Variants in MVB12B observed in about 807,000 individuals in gnomAD.
MVB12B encodes the protein multivesicular body subunit 12B.
A neutral mutation model predicts 41.6 loss-of-function variants in MVB12B; 16 were observed. The observed-to-expected ratio is 0.38, with a 90% CI of 0.26 to 0.58. The LOEUF is 0.58. MVB12B is among the 20% of genes least tolerant of loss of function. The pLI is 0.62. For missense variants in MVB12B, 274 were observed against 380.2 expected, an observed-to-expected ratio of 0.72 and a Z score of 2.32; for synonymous variants, 133 against 139.7, an observed-to-expected ratio of 0.95 and a Z score of 0.34.
intron 7 of MVB12B, among the ~76,000 whole-genome samples, chr9:126,456,979 T>C (rs10819160): frequency 0.25 from 37,863 of 152,158 alleles, 5,660 homozygotes; most frequent in African/African-American, 0.41. Context: ...CGTCTGCTCA[T>C]GCCCTCACCC....
intron 2 of MVB12B, among the ~76,000 whole-genome samples, chr9:126,350,611 A>T (rs1351814469): frequency 1.3e-5 from 2 of 152,190 alleles, no homozygotes; most frequent in African/African-American, 4.8e-5. Flanking sequence ...CATGGCGAGG[A>T]GACTCAGAGT....
intron 7 of MVB12B, among the ~76,000 whole-genome samples, chr9:126,467,757 C>A (rs915372162): frequency 6.6e-6 from 1 of 152,310 alleles, no homozygotes; most frequent in Non-Finnish European, 1.5e-5. Flanking sequence ...CTGCTGTGTT[C>A]CCATGATTCT....
chr9:126,403,191 C>T (rs1272629710), intron 6 of MVB12B, among the ~76,000 whole-genome samples: 3 of 152,240 alleles, frequency 2.0e-5, no homozygotes, highest in East Asian at 1.9e-4. Context: ...TCACTGGCTT[C>T]CTGTTATCCG....
At chr9:126,343,098 T>A (rs550841374) in intron 2 of MVB12B, among the ~76,000 whole-genome samples, 1 of 152,230 alleles carries the variant, frequency 6.6e-6, no homozygotes, top group Non-Finnish European at 1.5e-5. Context: ...AGGTGCCAAA[T>A]GTTCATTTAT....
chr9:126,399,052 C>T (rs577175749), intron 6 of MVB12B, among the ~76,000 whole-genome samples: 43 of 152,258 alleles, frequency 2.8e-4, no homozygotes, highest in Non-Finnish European at 5.3e-4. Flanking sequence ...GCAGAAGCTC[C>T]GTTATTGCAG....
In MVB12B at chr9:126,473,079, TCCC is replaced by T. The variant is rs1288441210; in HGVS notation, c.758-8289_758-8287del. On this transcript the variant is annotated intron_variant, in intron 7 of 9. Coordinates refer to ENST00000361171, the MANE Select transcript of MVB12B (RefSeq NM_033446.3). This position sits in a 1 kb window ranked among gnomAD's most constrained non-coding sequence, Gnocchi z 4.0. ...GAAGCCAGGGTTAGGTGACCAGCCC[TCCC>T]TACGTGGTGGGTGCTTTATCTCTGT... is the stretch of plus-strand genomic sequence containing the variant. 1.3e-4 allele frequency among the ~76,000 whole-genome samples: 20 copies of T among 152,308 alleles called. No individual in the cohort carries two copies. The highest frequency in any genetic ancestry group is 4.6e-4 in the African/African-American group (19 of 41,564).
intron 6 of MVB12B, among the ~76,000 whole-genome samples, chr9:126,418,504 C>G (rs1831893141): frequency 6.6e-6 from 1 of 152,164 alleles, no homozygotes; most frequent in Admixed American, 6.5e-5. Context: ...ATGATCATTT[C>G]CTGCTACCAT....
intron 9 of MVB12B, among the ~76,000 whole-genome samples, chr9:126,487,505 A>G (rs1353487496): frequency 6.6e-6 from 1 of 152,214 alleles, no homozygotes; most frequent in East Asian, 1.9e-4. Context: ...TACGCCTGTA[A>G]TCCCAGCACT....
intron 6 of MVB12B, among the ~76,000 whole-genome samples, chr9:126,405,328 T>C (rs930189861): frequency 6.6e-6 from 1 of 152,124 alleles, no homozygotes; most frequent in Non-Finnish European, 1.5e-5. Context: ...GCACGAGGGC[T>C]CTTTGTGCAG....
At position 126,481,434 on chromosome 9, in the gene MVB12B, A is replaced by AT; in HGVS notation, c.813+11dup. On this transcript the variant is annotated intron_variant, in intron 8 of 9. Coordinates refer to ENST00000361171, the MANE Select transcript of MVB12B (RefSeq NM_033446.3). ...TTGTGTTCCAGAAAGTGTAAGTTTT[A>AT]TGCATGATCGCCCTTCCCCTCTGCC... The AT allele has an allele frequency of 6.2e-7, 1 of 1,609,568 alleles. No homozygotes were observed. The highest frequency in any genetic ancestry group is 8.5e-7 in the Non-Finnish European group (1 of 1,176,026).
intron 2 of MVB12B, among the ~76,000 whole-genome samples, chr9:126,360,703 GA>G (rs1830007240): frequency 6.6e-6 from 1 of 152,192 alleles, no homozygotes; most frequent in African/African-American, 2.4e-5. Flanking sequence ...AATTGTGGAT[GA>G]GTCTATTTTT....
chr9:126,428,590 A>G (rs760590657), intron 7 of MVB12B, among the ~76,000 whole-genome samples: 1 of 152,194 alleles, frequency 6.6e-6, no homozygotes, highest in East Asian at 1.9e-4. Context: ...ATGAAGGGTA[A>G]AAGACTCAAA....
chr9:126,384,134 T>C (rs1272779614), intron 3 of MVB12B, among the ~76,000 whole-genome samples: 5 of 152,164 alleles, frequency 3.3e-5, no homozygotes, highest in Non-Finnish European at 7.3e-5. Context: ...CAGGCGACTC[T>C]GAAAGCAGCT....
intron 7 of MVB12B, among the ~76,000 whole-genome samples, chr9:126,476,517 T>C (rs1277396220): frequency 6.6e-6 from 1 of 152,212 alleles, no homozygotes; most frequent in African/African-American, 2.4e-5. Flanking sequence ...GGTGTGTGTA[T>C]GCATATGCAT....
intron 3 of MVB12B, among the ~76,000 whole-genome samples, chr9:126,383,752 C>G (rs1830696712): frequency 6.6e-6 from 1 of 151,852 alleles, no homozygotes; most frequent in South Asian, 2.1e-4. Context: ...CTGTATTAAA[C>G]CCAGTACAGT....
At chr9:126,415,112 G>A (rs983396519) in intron 6 of MVB12B, among the ~76,000 whole-genome samples, 1 of 152,248 alleles carries the variant, frequency 6.6e-6, no homozygotes, top group East Asian at 1.9e-4. Context: ...AGAGGTGAGT[G>A]TCCAATGCCA....
At chr9:126,363,574 G>A (rs1830084441) in intron 2 of MVB12B, among the ~76,000 whole-genome samples, 1 of 152,172 alleles carries the variant, frequency 6.6e-6, no homozygotes, top group South Asian at 2.1e-4. Context: ...AAAAGATGAG[G>A]TTACTCACCT....
At chr9:126,335,351 G>T (rs1476010347) in intron 1 of MVB12B, 1 of 1,304,186 alleles carries the variant, frequency 7.7e-7, no homozygotes, top group East Asian at 5.5e-5. Flanking sequence ...AAAGCCAGCT[G>T]CCCATTTAAC....
At chr9:126,493,339 A>G (rs1163872149) in intron 9 of MVB12B, among the ~76,000 whole-genome samples, 1 of 152,184 alleles carries the variant, frequency 6.6e-6, no homozygotes, top group Non-Finnish European at 1.5e-5. Flanking sequence ...CTTAAATGCC[A>G]CTTTTATCAT....
Sources: gnomAD v4.1 joint callset for allele counts (sites outside exome capture counted in the v4.1 genomes callset) on GRCh38, gnomAD v4.1.1 for gene constraint, Gnocchi (gnomAD v3.1) non-coding constraint, MANE v1.5 for transcripts, NCBI Gene and HGNC (gene_info 2026-07-23, HGNC 2026-07-21) for gene names.